Variants in KLHL29 observed in about 807,000 individuals in gnomAD.
KLHL29 encodes the protein kelch like family member 29, also known as kelch-like protein 29.
In KLHL29, 21 loss-of-function variants were observed where a neutral mutation model predicts 80.4. The ratio of observed to expected loss-of-function variants is 0.26; its 90% CI spans 0.19 to 0.38. KLHL29 has a LOEUF of 0.38. KLHL29 is among the 10% of genes least tolerant of loss of function. The probability of loss-of-function intolerance (pLI) is 1.00; values close to 1 mark genes in which losing one functional copy is unlikely to be tolerated. For synonymous variants in KLHL29, 511 were observed against 526.8 expected, an observed-to-expected ratio of 0.97 and a Z score of 0.41; for missense variants, 867 against 1,223.9, an observed-to-expected ratio of 0.71 and a Z score of 4.35.
intron 3 of KLHL29, among the ~76,000 whole-genome samples, chr2:23,579,488 G>T (rs1667927565): frequency 6.6e-6 from 1 of 152,054 alleles, no homozygotes; most frequent in Non-Finnish European, 1.5e-5. Flanking sequence ...CACCCAGCAG[G>T]TGCAGCCACA....
chr2:23,426,315 C>A (rs980773395), intron 1 of KLHL29, among the ~76,000 whole-genome samples: 2 of 152,192 alleles, frequency 1.3e-5, no homozygotes, highest in Non-Finnish European at 2.9e-5. Flanking sequence ...ATGTATCAAT[C>A]CAAGGTACTA....
At chr2:23,398,923 A>G (rs114303503) in intron 1 of KLHL29, among the ~76,000 whole-genome samples, 1,646 of 152,338 alleles carry the variant, frequency 0.011, 9 homozygotes, top group Middle Eastern at 0.02. Flanking sequence ...TGTCTATGGC[A>G]AATGCTGGAC....
intron 1 of KLHL29, among the ~76,000 whole-genome samples, chr2:23,428,333 C>A (rs737565): frequency 0.51 from 77,145 of 152,064 alleles, 20,887 homozygotes; most frequent in African/African-American, 0.71. Context: ...CCATTTTCCC[C>A]CAGTGATGTT....
intron 2 of KLHL29, among the ~76,000 whole-genome samples, chr2:23,516,342 A>G (rs1368774530): frequency 6.6e-6 from 1 of 152,204 alleles, no homozygotes; most frequent in Non-Finnish European, 1.5e-5. Context: ...CTCAAGGCCA[A>G]GGGTCATGAT....
chr2:23,661,482 C>T (rs530052141), intron 5 of KLHL29, among the ~76,000 whole-genome samples: 49 of 152,344 alleles, frequency 3.2e-4, no homozygotes, highest in African/African-American at 9.9e-4. Flanking sequence ...CCTCCCCCTG[C>T]GTTCGTCACA....
Position 23,696,047 on chromosome 2 carries a change from A to G in KLHL29, c.1838A>G (p.Asn613Ser). Residue 613 changes from asparagine (N) to serine (S), a missense_variant, in exon 10 of 14, where the codon AAC becomes AGC. Asn to Ser is a conservative substitution (Grantham distance 46). Transcript: ENST00000486442. This position sits in a 1 kb window ranked among gnomAD's most constrained non-coding sequence, Gnocchi z 5.5. ...GTCACCTGCTGGAACCCGCAGAACA[A>G]CAAGTGGTACCCCTTGGCCTCGCTG... ...VAVTCWNPQN[N>S]KWYPLASLPF... 1 of 1,551,686 alleles carries G rather than the reference A, an allele frequency of 6.4e-7. No homozygotes were observed. The highest frequency in any genetic ancestry group is 8.7e-7 in the Non-Finnish European group (1 of 1,146,968).
chr2:23,687,569 G>T (rs1671322079), intron 6 of KLHL29, among the ~76,000 whole-genome samples: 1 of 152,230 alleles, frequency 6.6e-6, no homozygotes, highest in Non-Finnish European at 1.5e-5. Flanking sequence ...CCACAGTCTG[G>T]TGGGGACACG....
Position 23,477,834 on chromosome 2 carries a change from G to A in KLHL29, c.-46+2167G>A, listed in dbSNP as rs117410244. On this transcript the variant is annotated intron_variant, in intron 2 of 13. Coordinates refer to ENST00000486442, the MANE Select transcript of KLHL29 (RefSeq NM_052920.2). ...AAGCCAGCTCTCCTTGGATGCACCTGTGAGTTTGGCAAGAGTGAAGGGAAC... is the reference window on the plus strand; with the variant it reads ...AAGCCAGCTCTCCTTGGATGCACCTATGAGTTTGGCAAGAGTGAAGGGAAC... Among the ~76,000 whole-genome samples, 76 of 152,350 alleles carry A rather than the reference G, an allele frequency of 5.0e-4. No individual in the cohort carries two copies. The East Asian group carries it at 0.013, about 26-fold the overall frequency.
At chr2:23,565,737 G>A (rs982582851) in intron 3 of KLHL29, among the ~76,000 whole-genome samples, 3 of 152,252 alleles carry the variant, frequency 2.0e-5, no homozygotes, top group African/African-American at 7.2e-5. Flanking sequence ...TCACCAGAGT[G>A]TGGGGACAGC....
At chr2:23,520,260 C>T (rs1283946421) in intron 2 of KLHL29, among the ~76,000 whole-genome samples, 2 of 152,098 alleles carry the variant, frequency 1.3e-5, no homozygotes, top group Admixed American at 6.5e-5. Flanking sequence ...GGGTGTTCAT[C>T]GTGTTAATTC....
At chr2:23,560,426 A>C (rs1000910915) in intron 2 of KLHL29, among the ~76,000 whole-genome samples, 1 of 151,790 alleles carries the variant, frequency 6.6e-6, no homozygotes, top group African/African-American at 2.4e-5. Flanking sequence ...ACGTGCTGCC[A>C]CTCCCAACTA....
intron 2 of KLHL29, among the ~76,000 whole-genome samples, chr2:23,511,513 C>T (rs1011874706): frequency 1.3e-5 from 2 of 152,148 alleles, no homozygotes; most frequent in Admixed American, 6.5e-5. Flanking sequence ...GTGTTTCTCA[C>T]GTCTTCCTCT....
intron 1 of KLHL29, among the ~76,000 whole-genome samples, chr2:23,403,937 C>T (rs1052049907): frequency 1.3e-5 from 2 of 152,154 alleles, no homozygotes; most frequent in Non-Finnish European, 2.9e-5. Context: ...ATTCTGGAGA[C>T]TTTGCATCCT....
At chr2:23,597,307 A>ATGTG (rs1454960849) in intron 3 of KLHL29, among the ~76,000 whole-genome samples, 1,869 of 106,424 alleles carry the variant, frequency 0.018, 32 homozygotes, top group East Asian at 0.084. Context: ...ATATATATAT[A>ATGTG]TATGTGTGTG....
intron 1 of KLHL29, among the ~76,000 whole-genome samples, chr2:23,389,005 TTTTTA>T (rs1219479728): frequency 1.6e-4 from 18 of 110,102 alleles, no homozygotes; most frequent in East Asian, 1.1e-3. Context: ...TTTTTTTTTT[TTTTTA>T]AAATCCCAGT....
chr2:23,393,628 C>T (rs1487813298), intron 1 of KLHL29, among the ~76,000 whole-genome samples: 1 of 152,172 alleles, frequency 6.6e-6, no homozygotes, highest in African/African-American at 2.4e-5. Context: ...TTCTTCTGTT[C>T]TATTTTTATT....
At chr2:23,579,477 C>G (rs1015189460) in intron 3 of KLHL29, among the ~76,000 whole-genome samples, 6 of 152,096 alleles carry the variant, frequency 3.9e-5, no homozygotes, top group African/African-American at 1.4e-4. Flanking sequence ...GGTTTCCCGC[C>G]CACCCAGCAG....
chr2:23,688,746 C>A (rs571857088), intron 6 of KLHL29: 1 of 152,434 alleles, frequency 6.6e-6, no homozygotes, highest in Non-Finnish European at 1.5e-5. Context: ...TGCTGCCCGT[C>A]TGCCCTGCTG....
rs967321326 is a variant in KLHL29, at chr2:23,659,512, C to T, written c.940+16662C>T. ...TCATCTTCACTTCCATTCTCAGCGC[C>T]GAGTCCCGGATCTGGCTATGTGAGT... On this transcript the variant is annotated intron_variant, in intron 5 of 13. Coordinates refer to ENST00000486442, the MANE Select transcript of KLHL29 (RefSeq NM_052920.2). 9.9e-5 allele frequency among the ~76,000 whole-genome samples: 15 copies of T among 152,264 alleles called. No homozygotes were observed. In the East Asian group the frequency reaches 2.1e-3, roughly 22 times the overall value.
Sources: allele counts gnomAD v4.1 joint callset (sites outside exome capture counted in the v4.1 genomes callset), GRCh38; gene constraint gnomAD v4.1.1; non-coding constraint Gnocchi (gnomAD v3.1); transcripts MANE v1.5; gene names NCBI Gene and HGNC (gene_info 2026-07-23, HGNC 2026-07-21).